Variants in SORL1 observed in about 807,000 individuals in gnomAD.
SORL1 encodes sortilin related receptor 1.
SORL1 carries 127 observed loss-of-function variants against 273.7 expected under a neutral mutation model. The ratio of observed to expected loss-of-function variants is 0.46; its 90% CI spans 0.40 to 0.54. SORL1 has a LOEUF of 0.54. Among genes scored for constraint, SORL1 ranks in the 20% least tolerant of loss-of-function variants. The pLI is 0.00. For missense variants in SORL1, 2,494 were observed against 2,846.1 expected (o/e 0.88, Z 2.81); for synonymous variants, 1,031 against 1,067.4 (o/e 0.97, Z 0.66).
intron 2 of SORL1, among the ~76,000 whole-genome samples, chr11:121,477,849 G>A (rs1479843791): frequency 6.6e-6 from 1 of 152,018 alleles, no homozygotes; most frequent in Non-Finnish European, 1.5e-5. Context: ...CCAACATGGT[G>A]AAACCCTGTC....
intron 2 of SORL1, among the ~76,000 whole-genome samples, chr11:121,473,593 A>G (rs1861207941): frequency 6.6e-6 from 1 of 152,230 alleles, no homozygotes; most frequent in Non-Finnish European, 1.5e-5. Context: ...GTCCACCAGA[A>G]GATCAGAATC....
In SORL1 at chr11:121,559,274, G is replaced by A. The variant is rs549406420; in HGVS notation, c.2911-245G>A. Among the ~76,000 whole-genome samples, 11 of 152,338 alleles carry A rather than the reference G, an allele frequency of 7.2e-5. 1 individual carries two copies. The South Asian group carries it at 2.3e-3, about 32-fold the overall frequency. ...GGGAAACAGATTTCAAACTGAGGGG[G>A]TTGGGTTTGTGTCATAAACTTGAAT... On this transcript the variant is annotated intron_variant, in intron 20 of 47. Transcript: ENST00000260197.
At chr11:121,518,380 G>T (rs1861984700) in intron 8 of SORL1, among the ~76,000 whole-genome samples, 1 of 152,192 alleles carries the variant, frequency 6.6e-6, no homozygotes, top group African/African-American at 2.4e-5. Flanking sequence ...GAAAGGAAAG[G>T]ATGGGCTGGG....
chr11:121,482,992 A>G (rs986281911), intron 3 of SORL1, among the ~76,000 whole-genome samples: 1 of 152,206 alleles, frequency 6.6e-6, no homozygotes, highest in Non-Finnish European at 1.5e-5. Context: ...GCCCTGAACC[A>G]TTGTGCAGTG....
intron 21 of SORL1, chr11:121,566,675 C>G: frequency 2.6e-6 from 1 of 387,556 alleles, no homozygotes; most frequent in Non-Finnish European, 4.7e-6. Flanking sequence ...TTCAGTGACC[C>G]AATTACAAAT....
intron 1 of SORL1, among the ~76,000 whole-genome samples, chr11:121,467,568 A>G (rs2134778672): frequency 6.6e-6 from 1 of 151,448 alleles, no homozygotes; most frequent in Middle Eastern, 3.4e-3. Flanking sequence ...CTAGTCCTTT[A>G]TTGTATTGAC....
intron 8 of SORL1, among the ~76,000 whole-genome samples, chr11:121,516,910 G>T (rs1198105390): frequency 6.6e-6 from 1 of 152,138 alleles, no homozygotes; most frequent in East Asian, 1.9e-4. Flanking sequence ...AAATTAGCTG[G>T]GCGTGGTGGC....
chr11:121,520,958 A>G (rs991686607), intron 9 of SORL1, 109 bp downstream of exon 9: 70 of 668,538 alleles, frequency 1.0e-4, no homozygotes, highest in South Asian at 7.4e-4. Context: ...ATCACATGGT[A>G]TTCTATTAAT....
chr11:121,583,354 C>T (rs1863039921), intron 25 of SORL1, 104 bp from the exon 26 acceptor site: 1 of 1,369,400 alleles, frequency 7.3e-7, no homozygotes, highest in African/African-American at 1.5e-5. Flanking sequence ...CAGTTCAGAC[C>T]TTATTCCTAC....
In SORL1 at chr11:121,594,568, G is replaced by A. The variant is rs145190661; in HGVS notation, c.4370-1055G>A. ...CATTTTTACCACTGTCCCTTTTTAT[G>A]GTATCCTGTTTTCTTTTTTTCTTGG... On this transcript the variant is annotated intron_variant, in intron 31 of 47. Transcript: ENST00000260197. Among the ~76,000 whole-genome samples, 29 of 151,536 alleles carry A rather than the reference G, an allele frequency of 1.9e-4. No homozygotes were observed. The East Asian group carries it at 5.4e-3, about 28-fold the overall frequency.
chr11:121,475,566 T>G (rs1378890530), intron 2 of SORL1, among the ~76,000 whole-genome samples: 2 of 152,244 alleles, frequency 1.3e-5, no homozygotes, highest in African/African-American at 4.8e-5. Context: ...ACTTGGTTAA[T>G]GTGGGTCTTT....
chr11:121,568,469 A>G, intron 22 of SORL1, among the ~76,000 whole-genome samples: 1 of 152,226 alleles, frequency 6.6e-6, no homozygotes, highest in East Asian at 1.9e-4. Context: ...GAGACCAATC[A>G]TCGCATGTCC....
At chr11:121,574,412 T>C (rs2134933360) in intron 24 of SORL1, 49 bp downstream of exon 24, 1 of 1,587,670 alleles carries the variant, frequency 6.3e-7, no homozygotes, top group Non-Finnish European at 8.6e-7. Context: ...GGGGGGTCAT[T>C]GTGCTCCCTC....
chr11:121,499,542 G>A (rs1215196869), intron 6 of SORL1, among the ~76,000 whole-genome samples: 1 of 152,242 alleles, frequency 6.6e-6, no homozygotes, highest in Non-Finnish European at 1.5e-5. Context: ...AAATGACAGA[G>A]TTGTACTACT....
Position 121,631,476 on chromosome 11 carries a change from T to A in SORL1, c.*1913T>A, listed in dbSNP as rs1423615667. ...CCTCCCCTTTAATAAGCTCTTTAAA[T>A]AGTTGAATCATTAACAACCTGGTGG... On this transcript the variant is annotated 3_prime_UTR_variant, in exon 48 of 48. Transcript: ENST00000260197. 6.6e-6 allele frequency: 1 copy of A among 152,222 alleles called. No homozygotes were observed. The highest frequency in any genetic ancestry group is 6.5e-5 in the Admixed American group (1 of 15,284). 9.4% of individuals were successfully genotyped at this position (152,222 alleles called of 1,614,324 possible).
rs757932934 is a variant in SORL1 at position 121,625,182 on chromosome 11, G to T, written c.6269G>T (p.Gly2090Val). The T allele has an allele frequency of 2.5e-5, 40 of 1,613,854 alleles. No homozygotes were observed. Among genetic ancestry groups the T allele is most frequent in the Non-Finnish European group, 3.2e-5 (38 of 1,179,872 alleles). The change falls in exon 46 of 48, where the codon GGT becomes GTT. Residue 2090 changes from glycine (G) to valine (V), a missense_variant. Gly to Val is a moderately radical substitution (Grantham distance 109, BLOSUM62 -3). Transcript: ENST00000260197. ...TTTAAAATTTCCAACCTGAAGATGG[G>T]TCATAATTACACGTTCACCGTCCAA... ...NFFKISNLKM[G>V]HNYTFTVQAR... is the part of the protein sequence containing the mutation.
At chr11:121,628,260 C>T (rs945037878) in intron 47 of SORL1, among the ~76,000 whole-genome samples, 2 of 152,116 alleles carry the variant, frequency 1.3e-5, no homozygotes, top group African/African-American at 4.8e-5. Context: ...ACCTTTTTTG[C>T]ACCAGGGACC....
chr11:121,586,085 A>G (rs1863100896), intron 26 of SORL1, 137 bp from the exon 27 acceptor site: 1 of 677,322 alleles, frequency 1.5e-6, no homozygotes, highest in Admixed American at 2.0e-5. Context: ...AAGTGTGTAT[A>G]CATTTGTCAT....
At chr11:121,547,788 T>C (rs1862456414) in intron 14 of SORL1, among the ~76,000 whole-genome samples, 1 of 152,070 alleles carries the variant, frequency 6.6e-6, no homozygotes, top group African/African-American at 2.4e-5. Context: ...TTGGAGATGT[T>C]TGATGGCATT....
Sources: gnomAD v4.1 joint callset for allele counts (sites outside exome capture counted in the v4.1 genomes callset) on GRCh38, gnomAD v4.1.1 for gene constraint, MANE v1.5 for transcripts, NCBI Gene and HGNC (gene_info 2026-07-23, HGNC 2026-07-21) for gene names.